Variants in KIF3B observed in about 807,000 individuals in gnomAD.
KIF3B encodes the protein kinesin-like protein KIF3B.
Under a neutral mutation model 74.3 loss-of-function variants are expected in KIF3B, and 38 were observed. That is an observed-to-expected ratio of 0.51 (90% CI 0.39 to 0.67). The LOEUF (loss-of-function observed/expected upper bound fraction) is 0.67, where lower values mean the gene tolerates loss of function less well. KIF3B is among the 30% of genes least tolerant of loss of function. The pLI is 0.00. For synonymous variants in KIF3B, 326 were observed against 342.5 expected, an observed-to-expected ratio of 0.95 and a Z score of 0.53; for missense variants, 649 against 932.0, an observed-to-expected ratio of 0.70 and a Z score of 3.95.
At chr20:32,328,606 C>G (rs1312709079) in intron 7 of KIF3B, among the ~76,000 whole-genome samples, 1 of 128,730 alleles carries the variant, frequency 7.8e-6, no homozygotes, top group Non-Finnish European at 1.5e-5. Flanking sequence ...GAGCGACACT[C>G]TGTCTCAAAA....
chr20:32,330,717 AAG>A (rs1381450346), intron 8 of KIF3B, among the ~76,000 whole-genome samples: 9 of 152,348 alleles, frequency 5.9e-5, no homozygotes, highest in Admixed American at 4.6e-4. Flanking sequence ...GAATTTGAGA[AAG>A]TAGCCATCTC....
intron 1 of KIF3B, among the ~76,000 whole-genome samples, chr20:32,299,379 G>GTGTGTA (rs1187264463): frequency 1.3e-3 from 30 of 23,098 alleles, no homozygotes; most frequent in Non-Finnish European, 1.6e-3. Context: ...TGGTGTGTGT[G>GTGTGTA]TATATATATA....
chr20:32,315,000 C>T (rs777351863), intron 2 of KIF3B, among the ~76,000 whole-genome samples: 10 of 152,088 alleles, frequency 6.6e-5, no homozygotes, highest in Non-Finnish European at 2.9e-5. Flanking sequence ...ACAGCCAGGC[C>T]GTCCCAAAGC....
chr20:32,334,971 T>C lies in KIF3B; in HGVS notation c.*3652T>C, dbSNP rs966121596. On this transcript the variant is annotated 3_prime_UTR_variant, in exon 9 of 9. Transcript: ENST00000375712. ...ATGTAAAAGTGATTCTAAACTAAGA[T>C]GTGTAATAAAAATCAATCAGATTTA... 2.6e-5 allele frequency: 4 copies of C among 152,630 alleles called. No individual in the cohort carries two copies. The highest frequency in any genetic ancestry group is 4.4e-5 in the Non-Finnish European group (3 of 68,044). The allele number at this position is 152,630 out of a possible 1,614,324, so 9.5% of individuals were successfully genotyped here.
At chr20:32,292,013 G>T (rs2047693864) in intron 1 of KIF3B, among the ~76,000 whole-genome samples, 1 of 151,964 alleles carries the variant, frequency 6.6e-6, no homozygotes, top group Non-Finnish European at 1.5e-5. Flanking sequence ...CTCTTAGGCG[G>T]CTCAAGCAAA....
In KIF3B at chr20:32,310,438, A is replaced by G; in HGVS notation, c.661A>G (p.Ile221Val). ...CTCGCGTTCTCATGCAATTTTCGTT[A>G]TCACTATTGAGTGCAGCGAGGTGGG... ...HSSRSHAIFVITIECSEVGLD... is the reference protein window; with the variant it reads ...HSSRSHAIFVVTIECSEVGLD... Residue 221 changes from isoleucine to valine, a missense_variant, in exon 2 of 9, where the codon ATC becomes GTC. Ile to Val is a conservative substitution (Grantham distance 29). Transcript: ENST00000375712. This position sits in a 1 kb window ranked among gnomAD's most constrained non-coding sequence, Gnocchi z 6.5. 1.9e-6 allele frequency: 3 copies of G among 1,614,182 alleles called. 1 individual carries two copies. The highest frequency in any genetic ancestry group is 3.3e-5 in the Admixed American group (2 of 60,030).
At chr20:32,312,478 T>C (rs1202919187) in intron 2 of KIF3B, among the ~76,000 whole-genome samples, 1 of 152,200 alleles carries the variant, frequency 6.6e-6, no homozygotes, top group African/African-American at 2.4e-5. Flanking sequence ...TCGGTGTTTA[T>C]TGTTTCCTTG....
chr20:32,285,850 C>T (rs1005911048), intron 1 of KIF3B, among the ~76,000 whole-genome samples: 2 of 152,138 alleles, frequency 1.3e-5, no homozygotes, highest in Non-Finnish European at 2.9e-5. Context: ...TTACAATCAG[C>T]TCATCTTATC....
At position 32,279,759 on chromosome 20, in the gene KIF3B, C is replaced by T. The variant is rs549315546; in HGVS notation, c.-66+1994C>T. Among the ~76,000 whole-genome samples, 4 of 152,310 alleles carry T rather than the reference C, an allele frequency of 2.6e-5. No individual in the cohort carries two copies. In the South Asian group the frequency reaches 8.3e-4, roughly 32 times the overall value. On this transcript the variant is annotated intron_variant, in intron 1 of 8. Transcript: ENST00000375712. Reference sequence around the variant, plus strand: ...GATTACAGGCATGAGCCACTGTGCCCAGCCTGAGAGCTGGAATCTTTAAAA... The same window carrying T: ...GATTACAGGCATGAGCCACTGTGCCTAGCCTGAGAGCTGGAATCTTTAAAA...
At chr20:32,282,522 G>A (rs138892061) in intron 1 of KIF3B, among the ~76,000 whole-genome samples, 56 of 152,230 alleles carry the variant, frequency 3.7e-4, no homozygotes, top group African/African-American at 1.3e-3. Flanking sequence ...GCAACTGATT[G>A]AAGCTTGACG....
intron 1 of KIF3B, among the ~76,000 whole-genome samples, chr20:32,299,403 A>ATTTTTTT (rs11473044): frequency 5.5e-4 from 5 of 9,026 alleles, no homozygotes; most frequent in African/African-American, 1.8e-3. Flanking sequence ...ATATATATAT[A>ATTTTTTT]TTTTTTTTTT....
intron 5 of KIF3B, among the ~76,000 whole-genome samples, chr20:32,324,353 T>TTC (rs1388177147): frequency 6.6e-6 from 1 of 152,208 alleles, no homozygotes. Context: ...TTAGCAGGCA[T>TTC]CAGAATTACC....
Position 32,334,264 on chromosome 20 carries a change from C to G in KIF3B, c.*2945C>G, listed in dbSNP as rs1392226817. ...CTCTCAGACCCCTGGATTCAGAACC[C>G]AAGGCCACAAATCATAGGCATGAAG... is the stretch of plus-strand genomic sequence containing the variant. On this transcript the variant is annotated 3_prime_UTR_variant, in exon 9 of 9. Coordinates refer to ENST00000375712, the MANE Select transcript of KIF3B (RefSeq NM_004798.4). 6.6e-6 allele frequency: 1 copy of G among 152,666 alleles called. No individual in the cohort carries two copies. Among genetic ancestry groups the G allele is most frequent in the Non-Finnish European group, 1.5e-5 (1 of 68,136 alleles). The allele number at this position is 152,666 out of a possible 1,614,324, so 9.5% of individuals were successfully genotyped here. A position where few individuals can be genotyped will look rare whatever the true frequency, so the allele number is the denominator to read the frequency against.
At chr20:32,326,211 G>A (rs1042477560) in intron 5 of KIF3B, among the ~76,000 whole-genome samples, 2 of 152,182 alleles carry the variant, frequency 1.3e-5, no homozygotes, top group Admixed American at 1.3e-4. Context: ...GTCAGACAGA[G>A]ACTGTTAGTA....
At chr20:32,314,350 G>A (rs2047816692) in intron 2 of KIF3B, among the ~76,000 whole-genome samples, 1 of 152,132 alleles carries the variant, frequency 6.6e-6, no homozygotes, top group Non-Finnish European at 1.5e-5. Context: ...GGCCAGCCTG[G>A]CCAACATGGT....
Position 32,316,669 on chromosome 20 carries a change from A to G in KIF3B, c.1629+20A>G, listed in dbSNP as rs1452015413. On this transcript the variant is annotated intron_variant, in intron 4 of 8. Transcript: ENST00000375712. ...AAAAAGGTATGAAAGGAATGAGGCC[A>G]GATGGAGTTGCCTTGAGACTTGGGG... The G allele has an allele frequency of 6.2e-7, 1 of 1,614,150 alleles. No individual in the cohort carries two copies. The highest frequency in any genetic ancestry group is 1.7e-5 in the Admixed American group (1 of 60,002).
chr20:32,299,969 G>T (rs1335976197), intron 1 of KIF3B, among the ~76,000 whole-genome samples: 2 of 151,192 alleles, frequency 1.3e-5, no homozygotes, highest in Non-Finnish European at 2.9e-5. Context: ...TAAAGATGGG[G>T]TCTCCTTCTG....
chr20:32,318,688 GCACTGTATGAATAGGA>G (rs1015253131), intron 5 of KIF3B, among the ~76,000 whole-genome samples: 15 of 152,240 alleles, frequency 9.9e-5, no homozygotes, highest in African/African-American at 3.6e-4. Context: ...GAATAATATT[GCACTGTATGAATAGGA>G]CACATATTTA....
At chr20:32,285,435 C>G (rs940073475) in intron 1 of KIF3B, among the ~76,000 whole-genome samples, 23 of 152,336 alleles carry the variant, frequency 1.5e-4, no homozygotes, top group African/African-American at 5.5e-4. Context: ...CACTGTGCCT[C>G]AGTTTTCTCT....
Sources: gnomAD v4.1 joint callset for allele counts (sites outside exome capture counted in the v4.1 genomes callset) on GRCh38, gnomAD v4.1.1 for gene constraint, Gnocchi (gnomAD v3.1) non-coding constraint, MANE v1.5 for transcripts, NCBI Gene and HGNC (gene_info 2026-07-23, HGNC 2026-07-21) for gene names.